Variants in AKR1C2 observed in about 807,000 individuals in gnomAD.
The protein encoded by AKR1C2 is 3-alpha-HSD3.
Under a neutral mutation model 39.8 loss-of-function variants are expected in AKR1C2, and 27 were observed. The observed-to-expected ratio is 0.68, with a 90% CI of 0.50 to 0.93. The LOEUF (loss-of-function observed/expected upper bound fraction) is 0.93, where lower values mean the gene tolerates loss of function less well. Ranked by LOEUF, AKR1C2 falls within the 40% of genes least tolerant of loss-of-function variation. The probability of loss-of-function intolerance (pLI) is 0.00; values close to 1 mark genes in which losing one functional copy is unlikely to be tolerated. For missense variants in AKR1C2, 263 were observed against 365.1 expected, an observed-to-expected ratio of 0.72 and a Z score of 2.28; for synonymous variants, 114 against 137.9, an observed-to-expected ratio of 0.83 and a Z score of 1.22.
chr10:4,993,122 A>T (rs142757205), intron 7 of AKR1C2, among the ~76,000 whole-genome samples: 1 of 152,230 alleles, frequency 6.6e-6, no homozygotes, highest in Non-Finnish European at 1.5e-5. Flanking sequence ...TACAATGTCA[A>T]TGAGAGACTA....
intron 3 of AKR1C2, chr10:5,000,288 A>C: frequency 1.4e-6 from 2 of 1,478,188 alleles, no homozygotes; most frequent in Non-Finnish European, 8.9e-7. Context: ...CTTCAAGGAG[A>C]TGATTGTCAT....
At chr10:5,006,246 A>G (rs1470724594), upstream of AKR1C2, among the ~76,000 whole-genome samples, 1 of 152,234 alleles carries the variant, frequency 6.6e-6, no homozygotes, top group Non-Finnish European at 1.5e-5. Flanking sequence ...CTACAAATTC[A>G]AGTAACTTAA....
intron 1 of AKR1C2, among the ~76,000 whole-genome samples, chr10:5,010,859 T>C (rs1181619052): frequency 1.3e-5 from 2 of 152,102 alleles, no homozygotes; most frequent in Non-Finnish European, 2.9e-5. Flanking sequence ...AATCAAAGTC[T>C]TAATTAAATA....
Position 4,998,716 on chromosome 10 carries a change from G to C in AKR1C2, c.479C>G (p.Ala160Gly). The change falls in exon 5 of 9, where the codon GCC becomes GGC. Residue 160 changes from alanine (A) to glycine (G), a missense_variant. Coordinates refer to ENST00000380753, the MANE Select transcript of AKR1C2 (RefSeq NM_001393392.1). ...AMEKCKDAGL[A>G]KSIGVSNFNH... ...GAAGTTGGACACCCCGATGGACTTGGCCAATCCTGCATCTTTACACTTCTC... is the reference window on the plus strand; with the variant it reads ...GAAGTTGGACACCCCGATGGACTTGCCCAATCCTGCATCTTTACACTTCTC... The C allele has an allele frequency of 6.2e-7, 1 of 1,614,150 alleles. No individual in the cohort carries two copies. Among genetic ancestry groups the C allele is most frequent in the Non-Finnish European group, 8.5e-7 (1 of 1,180,030 alleles).
At chr10:5,012,747 A>AT (rs1481110754) in intron 1 of AKR1C2, among the ~76,000 whole-genome samples, 24 of 152,278 alleles carry the variant, frequency 1.6e-4, no homozygotes, top group Admixed American at 4.6e-4. Context: ...ATTTGTGATA[A>AT]TTTTTTACTG....
In AKR1C2 at chr10:4,988,852, A is replaced by C. The variant is rs183623660; in HGVS notation, c.*1144T>G. ...GCTGATTTGATTAGTTCCCCTGAAA[A>C]TTATGTATAAGAATTAAATGCCTTT... On this transcript the variant is annotated 3_prime_UTR_variant, in exon 9 of 9. Coordinates refer to ENST00000380753, the MANE Select transcript of AKR1C2 (RefSeq NM_001393392.1). 3 of 151,890 alleles carry C rather than the reference A, an allele frequency of 2.0e-5. No homozygotes were observed. Among genetic ancestry groups the C allele is most frequent in the African/African-American group, 7.3e-5 (3 of 41,310 alleles). 9.4% of individuals were successfully genotyped at this position (151,890 alleles called of 1,614,324 possible).
intron 1 of AKR1C2, among the ~76,000 whole-genome samples, chr10:5,002,512 A>C (rs373741795): frequency 7.2e-5 from 11 of 152,294 alleles, no homozygotes; most frequent in African/African-American, 2.6e-4. Flanking sequence ...TTGTGTATGT[A>C]AGAAATAGGC....
upstream of AKR1C2, among the ~76,000 whole-genome samples, chr10:5,006,830 C>T: frequency 6.7e-6 from 1 of 150,290 alleles, no homozygotes; most frequent in Admixed American, 6.7e-5. Context: ...GGCTGGAGTG[C>T]AGTGGTACAT....
chr10:5,010,025 T>C (rs539163495), intron 1 of AKR1C2, among the ~76,000 whole-genome samples: 165 of 143,036 alleles, frequency 1.2e-3, no homozygotes, highest in African/African-American at 4.2e-3. Context: ...GTGATCTGAC[T>C]CTTCTGGGAT....
chr10:5,006,359 T>C (rs1554774387), upstream of AKR1C2: 3 of 152,234 alleles, frequency 2.0e-5, no homozygotes, highest in Admixed American at 2.0e-4. Context: ...ACAAGAGATT[T>C]TGGGAGCCGA....
chr10:5,001,515 T>G lies in AKR1C2; in HGVS notation c.251A>C (p.Lys84Thr). The G allele has an allele frequency of 6.2e-7, 1 of 1,613,406 alleles. No individual in the cohort carries two copies. The highest frequency in any genetic ancestry group is 1.1e-5 in the South Asian group (1 of 90,906). ...VKREDIFYTS[K>T]LWSNSHRPEL... ...ACAAGCTCATCATAGGCACAGTACC[T>G]TTGAAGTGTAGAATATGTCTTCTCT... The change falls in exon 2 of 9, where the codon AAG (lysine) becomes ACG (threonine). Residue 84 changes from lysine (K) to threonine (T), a missense_variant and splice_region_variant. Transcript: ENST00000380753.
chr10:5,000,611 A>C lies in AKR1C2; in HGVS notation c.308T>G (p.Leu103Arg). Residue 103 changes from leucine to arginine, a missense_variant, in exon 3 of 9, where the codon CTG (leucine) becomes CGG (arginine). Physicochemically the swap from Leu to Arg is moderately radical, Grantham distance 102. Transcript: ENST00000380753. ...ELVRPALERS[L>R]KNLQLDYVDL... is the part of the protein sequence containing the mutation. ...AACATAGTCCAATTGAAGATTTTTC[A>C]GTGACCTTTCCAAGGCTGGTCGGAC... 6.2e-7 allele frequency: 1 copy of C among 1,614,072 alleles called. No individual in the cohort carries two copies. Among genetic ancestry groups the C allele is most frequent in the Non-Finnish European group, 8.5e-7 (1 of 1,179,930 alleles).
At chr10:4,995,966 T>G (rs577535131) in intron 5 of AKR1C2, 101 bp from the exon 6 acceptor site, 1 of 1,358,484 alleles carries the variant, frequency 7.4e-7, no homozygotes, top group East Asian at 2.7e-5. Flanking sequence ...AGCATTAAAT[T>G]TGAACTGAGA....
intron 1 of AKR1C2, 73 bp downstream of exon 1, chr10:5,003,679 A>G (rs1554774081): frequency 4.3e-6 from 6 of 1,392,884 alleles, no homozygotes; most frequent in Admixed American, 3.4e-5. Flanking sequence ...TAGGAACACA[A>G]GCCTGACAAC....
At chr10:4,994,773 G>T (rs1836973221) in intron 7 of AKR1C2, among the ~76,000 whole-genome samples, 2 of 148,170 alleles carry the variant, frequency 1.3e-5, no homozygotes, top group African/African-American at 2.5e-5. Flanking sequence ...ATGGAACCTT[G>T]AGCTCAATAA....
intron 5 of AKR1C2, chr10:4,997,103 C>A (rs186071902): frequency 6.6e-6 from 1 of 152,128 alleles, no homozygotes; most frequent in Non-Finnish European, 1.5e-5. Context: ...CTACCTTCAC[C>A]ACTAGTGGGG....
At position 5,016,787 on chromosome 10, in the gene AKR1C2, C is replaced by T. The variant is rs1388397479; in HGVS notation, c.-88+1113G>A. On this transcript the variant is annotated intron_variant, in intron 1 of 6. Transcript: ENST00000604507. ...TAGAAGAAGTTCTCCATGAGTGTTC[C>T]ACCCTTGCAGCAGGCTTCTGCCTGG... 6.3e-4 allele frequency among the ~76,000 whole-genome samples: 96 copies of T among 152,206 alleles called. 1 individual carries two copies. Among genetic ancestry groups the T allele is most frequent in the African/African-American group, 2.2e-3 (93 of 41,456 alleles).
At chr10:5,012,427 G>C (rs1937851) in intron 1 of AKR1C2, among the ~76,000 whole-genome samples, 1 of 150,170 alleles carries the variant, frequency 6.7e-6, no homozygotes, top group African/African-American at 2.5e-5. Context: ...TCATCTGGAT[G>C]GGCAATGTCA....
upstream of AKR1C2, among the ~76,000 whole-genome samples, chr10:5,005,102 A>G (rs1554774275): frequency 6.6e-6 from 1 of 152,050 alleles, no homozygotes; most frequent in African/African-American, 2.4e-5. Context: ...AGGGGAAGAG[A>G]CATGCAATAG....
Sources: gnomAD v4.1 joint callset for allele counts (sites outside exome capture counted in the v4.1 genomes callset) on GRCh38, gnomAD v4.1.1 for gene constraint, MANE v1.5 for transcripts, NCBI Gene and HGNC (gene_info 2026-07-23, HGNC 2026-07-21) for gene names.